The following LRRC4C variants were observed in gnomAD, a reference collection of about 807,000 sequenced individuals.
LRRC4C encodes leucine-rich repeat-containing protein 4C.
Under a neutral mutation model 33.6 loss-of-function variants are expected in LRRC4C, and 5 were observed. The observed-to-expected ratio is 0.15, with a 90% CI of 0.08 to 0.31. The LOEUF is 0.31. LRRC4C is among the 10% of genes least tolerant of loss of function. The pLI is 1.00. For missense variants in LRRC4C, 560 were observed against 796.7 expected (o/e 0.70, Z 3.58); for synonymous variants, 329 against 302.0 (o/e 1.09, Z -0.93).
chr11:40,428,477 T>C (rs1950797618), intron 3 of LRRC4C, among the ~76,000 whole-genome samples: 1 of 152,232 alleles, frequency 6.6e-6, no homozygotes, highest in Admixed American at 6.5e-5. Context: ...TTACGAGTGA[T>C]GGTAAGATTT....
intron 1 of LRRC4C, among the ~76,000 whole-genome samples, chr11:41,424,963 A>G (rs1211790278): frequency 2.0e-5 from 3 of 152,140 alleles, no homozygotes; most frequent in Non-Finnish European, 4.4e-5. Flanking sequence ...TTAAACATTA[A>G]TTTTATACAG....
intron 6 of LRRC4C, among the ~76,000 whole-genome samples, chr11:40,125,963 G>A (rs1012016855): frequency 6.6e-6 from 1 of 152,050 alleles, no homozygotes; most frequent in African/African-American, 2.4e-5. Flanking sequence ...ATGTAGTTCT[G>A]TAGATTTTCA....
chr11:41,361,335 G>T (rs985106489), intron 1 of LRRC4C, among the ~76,000 whole-genome samples: 1 of 152,092 alleles, frequency 6.6e-6, no homozygotes, highest in African/African-American at 2.4e-5. Flanking sequence ...TTTTCTTGTA[G>T]GAGTTACAGA....
chr11:41,184,842 G>A (rs1945619171), intron 1 of LRRC4C, among the ~76,000 whole-genome samples: 1 of 151,368 alleles, frequency 6.6e-6, no homozygotes, highest in South Asian at 2.1e-4. Context: ...AAGGTTTAAT[G>A]GACTTACAGT....
intron 3 of LRRC4C, among the ~76,000 whole-genome samples, chr11:40,356,988 C>T (rs918666050): frequency 5.9e-5 from 9 of 152,086 alleles, no homozygotes; most frequent in African/African-American, 1.2e-4. Flanking sequence ...CACAAAGCTG[C>T]CATTAAACAC....
At chr11:41,271,589 G>A (rs1026626778) in intron 1 of LRRC4C, among the ~76,000 whole-genome samples, 2 of 151,934 alleles carry the variant, frequency 1.3e-5, no homozygotes, top group African/African-American at 4.8e-5. Context: ...TCTCCTTATA[G>A]TCACTCTCTG....
At position 41,214,329 on chromosome 11, in the gene LRRC4C, G is replaced by T. The variant is rs115696611; in HGVS notation, c.-496+245102C>A. Among the ~76,000 whole-genome samples, 1,064 of 152,136 alleles carry T rather than the reference G, an allele frequency of 7.0e-3. 14 individuals are homozygous for T. Among genetic ancestry groups the T allele is most frequent in the African/African-American group, 0.024 (990 of 41,496 alleles). On this transcript the variant is annotated intron_variant, in intron 1 of 6. Coordinates refer to ENST00000528697, the MANE Select transcript of LRRC4C (RefSeq NM_001258419.2). The stretch of plus-strand genomic sequence containing the variant: ...CCCTGAAGTACACTTCCAGGTCCTA[G>T]AAAACTGATCAGATGTGTGTCAATG...
At chr11:41,324,463 G>A (rs913087579) in intron 1 of LRRC4C, among the ~76,000 whole-genome samples, 2 of 152,134 alleles carry the variant, frequency 1.3e-5, no homozygotes, top group Admixed American at 1.3e-4. Flanking sequence ...ACTATTTTAG[G>A]AGGAAGAGGA....
At chr11:41,194,045 C>T (rs1355938888) in intron 1 of LRRC4C, among the ~76,000 whole-genome samples, 1 of 151,966 alleles carries the variant, frequency 6.6e-6, no homozygotes, top group African/African-American at 2.4e-5. Flanking sequence ...TCCTCTTCAG[C>T]CTACTCATCA....
intron 2 of LRRC4C, among the ~76,000 whole-genome samples, chr11:40,875,724 C>T (rs988783289): frequency 3.9e-5 from 6 of 152,020 alleles, no homozygotes; most frequent in African/African-American, 1.2e-4. Context: ...CTCCAGGGAC[C>T]GGTTTCATGG....
rs576192305 is a variant in LRRC4C, at chr11:40,781,206, G to T, written c.-406-132928C>A. Among the ~76,000 whole-genome samples, 7 of 152,042 alleles carry T rather than the reference G, an allele frequency of 4.6e-5. 1 individual carries two copies. The South Asian group carries it at 1.5e-3, about 32-fold the overall frequency. On this transcript the variant is annotated intron_variant, in intron 2 of 6. Coordinates refer to ENST00000528697, the MANE Select transcript of LRRC4C (RefSeq NM_001258419.2). Reference sequence around the variant, plus strand: ...TCTAAATGTATCTAAACATAGAAAAGGTACAGTAAAATCAGGGTATTATAA... The same window carrying T: ...TCTAAATGTATCTAAACATAGAAAATGTACAGTAAAATCAGGGTATTATAA...
intron 1 of LRRC4C, among the ~76,000 whole-genome samples, chr11:41,064,853 C>T (rs1938096033): frequency 6.6e-6 from 1 of 152,176 alleles, no homozygotes; most frequent in Non-Finnish European, 1.5e-5. Context: ...CAACGAAGCC[C>T]TGAGGGACTG....
intron 1 of LRRC4C, among the ~76,000 whole-genome samples, chr11:41,440,386 A>G (rs190240964): frequency 5.8e-4 from 88 of 152,258 alleles, no homozygotes; most frequent in Admixed American, 1.5e-3. Flanking sequence ...TTACAATTTA[A>G]AAAGAAACAG....
In LRRC4C at chr11:40,753,310, A is replaced by G. The variant is rs367741670; in HGVS notation, c.-406-105032T>C. Among the ~76,000 whole-genome samples, 7 of 152,186 alleles carry G rather than the reference A, an allele frequency of 4.6e-5. No individual in the cohort carries two copies. The East Asian group carries it at 9.7e-4, about 21-fold the overall frequency. ...GAGGACTTGAACACATCAAAATGAT[A>G]AATACTCAAGGTGATGGATACCCTC... On this transcript the variant is annotated intron_variant, in intron 2 of 6. Coordinates refer to ENST00000528697, the MANE Select transcript of LRRC4C (RefSeq NM_001258419.2).
At chr11:40,670,856 C>T (rs1002604920) in intron 2 of LRRC4C, among the ~76,000 whole-genome samples, 3 of 152,282 alleles carry the variant, frequency 2.0e-5, no homozygotes, top group Non-Finnish European at 1.5e-5. Context: ...CTCCGCCTCC[C>T]GGGTTCACGC....
chr11:40,379,235 G>C (rs1332497041), intron 3 of LRRC4C, among the ~76,000 whole-genome samples: 7 of 151,844 alleles, frequency 4.6e-5, no homozygotes, highest in Admixed American at 3.9e-4. Context: ...TATTTACTCG[G>C]TCATTTTTAT....
chr11:40,780,788 CT>C (rs11479844), intron 2 of LRRC4C, among the ~76,000 whole-genome samples: 42,568 of 143,592 alleles, frequency 0.3, 6,074 homozygotes, highest in Middle Eastern at 0.36. Context: ...TGATAAGAGG[CT>C]TTTTTTTTTT....
chr11:40,352,665 C>T (rs545910723), intron 3 of LRRC4C, among the ~76,000 whole-genome samples: 8 of 152,136 alleles, frequency 5.3e-5, no homozygotes, highest in Admixed American at 5.2e-4. Flanking sequence ...AACTTACTTT[C>T]AATAATAAGT....
intron 1 of LRRC4C, among the ~76,000 whole-genome samples, chr11:41,260,835 C>A (rs930887460): frequency 1.3e-5 from 2 of 151,902 alleles, no homozygotes; most frequent in Non-Finnish European, 1.5e-5. Context: ...TCTCCAGGTA[C>A]CTAAAAGTTT....
Sources: gnomAD v4.1 joint callset for allele counts (sites outside exome capture counted in the v4.1 genomes callset) on GRCh38, gnomAD v4.1.1 for gene constraint, MANE v1.5 for transcripts, NCBI Gene and HGNC (gene_info 2026-07-23, HGNC 2026-07-21) for gene names.